The following PRKG1 variants were observed in gnomAD, a reference collection of about 807,000 sequenced individuals.
The protein encoded by PRKG1 is cGMP-dependent protein kinase 1.
In PRKG1, 35 loss-of-function variants were observed where a neutral mutation model predicts 88.1. The ratio of observed to expected loss-of-function variants is 0.40; its 90% CI spans 0.30 to 0.53. The LOEUF is 0.53. Ranked by LOEUF, PRKG1 falls within the 20% of genes least tolerant of loss-of-function variation. The probability of loss-of-function intolerance (pLI) is 0.59; values close to 1 mark genes in which losing one functional copy is unlikely to be tolerated. For missense variants in PRKG1, 540 were observed against 839.8 expected (o/e 0.64, Z 4.41); for synonymous variants, 303 against 292.5 (o/e 1.04, Z -0.37).
rs937784902 is a variant in PRKG1 at position 52,127,967 on chromosome 10, C to G, written c.936-5873C>G. On this transcript the variant is annotated intron_variant, in intron 7 of 17. Transcript: ENST00000373980. ...AGCATAGTCAGATTTACCACCAACT[C>G]TACAATTCTTGTTTATAATTAATTT... 4.3e-6 allele frequency: 4 copies of G among 939,838 alleles called. No individual in the cohort carries two copies. The African/African-American group carries it at 7.1e-5, about 17-fold the overall frequency. 58.2% of individuals were successfully genotyped at this position (939,838 alleles called of 1,614,324 possible). A position where few individuals can be genotyped will look rare whatever the true frequency, so the allele number is the denominator to read the frequency against.
chr10:51,102,192 T>C (rs966770632), intron 1 of PRKG1, among the ~76,000 whole-genome samples: 1 of 152,226 alleles, frequency 6.6e-6, no homozygotes, highest in Non-Finnish European at 1.5e-5. Context: ...TAGTAAGTGA[T>C]GAATTTCTTT....
At chr10:51,132,861 AT>A (rs1387972767) in intron 1 of PRKG1, among the ~76,000 whole-genome samples, 1 of 151,988 alleles carries the variant, frequency 6.6e-6, no homozygotes, top group Non-Finnish European at 1.5e-5. Flanking sequence ...AATTAGCTTC[AT>A]TTAATTATGC....
At chr10:52,166,803 A>ATGTATATATATG (rs1457237153) in intron 9 of PRKG1, among the ~76,000 whole-genome samples, 2 of 25,472 alleles carry the variant, frequency 7.9e-5, no homozygotes, top group Non-Finnish European at 1.2e-4. Context: ...ATATACATAT[A>ATGTATATATATG]TATATGTATA....
intron 5 of PRKG1, among the ~76,000 whole-genome samples, chr10:51,998,045 C>CT (rs1384946825): frequency 1.3e-5 from 2 of 152,182 alleles, no homozygotes; most frequent in African/African-American, 4.8e-5. Context: ...GGTGGACACT[C>CT]TATCATGTAA....
intron 8 of PRKG1, among the ~76,000 whole-genome samples, chr10:52,151,732 T>C (rs182431438): frequency 8.3e-4 from 126 of 152,292 alleles, no homozygotes; most frequent in African/African-American, 3.0e-3. Flanking sequence ...AGGAAACATA[T>C]AGACTGGGCA....
At position 51,555,736 on chromosome 10, in the gene PRKG1, A is replaced by C. The variant is rs1036357196; in HGVS notation, c.592+87900A>C. 2.0e-5 allele frequency among the ~76,000 whole-genome samples: 3 copies of C among 152,020 alleles called. No homozygotes were observed. The Admixed American group carries it at 2.0e-4, about 10-fold the overall frequency. On this transcript the variant is annotated intron_variant, in intron 3 of 17. Transcript: ENST00000373980. ...AAAGTTTAGTAAACAGAAAGCCAGA[A>C]AAACTAATTCTACTTCTTGACTTGG...
intron 3 of PRKG1, among the ~76,000 whole-genome samples, chr10:51,579,440 C>A (rs1209236506): frequency 6.6e-6 from 1 of 151,932 alleles, no homozygotes; most frequent in Non-Finnish European, 1.5e-5. Flanking sequence ...TAAATGTTTC[C>A]TTTGTCACTG....
intron 2 of PRKG1, among the ~76,000 whole-genome samples, chr10:51,304,532 T>G (rs1010005104): frequency 1.4e-4 from 22 of 152,020 alleles, no homozygotes; most frequent in Non-Finnish European, 2.4e-4. Context: ...GTGCACAATG[T>G]GCAGGTTAGT....
chr10:52,225,147 G>GT (rs1171068591), intron 9 of PRKG1, among the ~76,000 whole-genome samples: 1 of 151,906 alleles, frequency 6.6e-6, no homozygotes, highest in Admixed American at 6.6e-5. Flanking sequence ...AACATCTACT[G>GT]TTTTTTGATT....
chr10:51,722,060 T>A (rs917456338), intron 3 of PRKG1, among the ~76,000 whole-genome samples: 1 of 152,080 alleles, frequency 6.6e-6, no homozygotes, highest in Non-Finnish European at 1.5e-5. Flanking sequence ...TGAAACCTTG[T>A]CTCTACTGAA....
chr10:52,156,511 TGATGGATG>T lies in PRKG1; in HGVS notation c.1002-5361_1002-5354del, dbSNP rs559758876. On this transcript the variant is annotated intron_variant, in intron 8 of 17. Coordinates refer to ENST00000373980, the MANE Select transcript of PRKG1 (RefSeq NM_006258.4). Reference sequence around the variant, plus strand: ...TGTGAGTTTGGTTGAATGGATGGACTGATGGATGGATGGATGGATGGATGAATAAATGG... The same window carrying T: ...TGTGAGTTTGGTTGAATGGATGGACTGATGGATGGATGGATGAATAAATGG... Among the ~76,000 whole-genome samples the T allele has an allele frequency of 5.3e-4, 80 of 151,684 alleles. No homozygotes were observed. The East Asian group carries it at 0.012, about 23-fold the overall frequency.
chr10:51,086,625 G>C (rs372226524), intron 1 of PRKG1, among the ~76,000 whole-genome samples: 1 of 152,214 alleles, frequency 6.6e-6, no homozygotes, highest in East Asian at 1.9e-4. Flanking sequence ...TTAGAAAATG[G>C]AGAACAGAAG....
rs574278796 is a variant in PRKG1, at chr10:52,160,157, A to C, written c.1002-1732A>C. ...AGAAATATTATACTTTATGTTGTGA[A>C]CGCGTCTAGCCTTAACATTCTCTAA... On this transcript the variant is annotated intron_variant, in intron 8 of 17. Transcript: ENST00000373980. 7.2e-5 allele frequency among the ~76,000 whole-genome samples: 11 copies of C among 152,050 alleles called. No individual in the cohort carries two copies. In the South Asian group the frequency reaches 2.3e-3, roughly 32 times the overall value.
At chr10:51,656,884 C>A (rs1370400065) in intron 3 of PRKG1, among the ~76,000 whole-genome samples, 1 of 152,078 alleles carries the variant, frequency 6.6e-6, no homozygotes, top group African/African-American at 2.4e-5. Context: ...TAGAGTAAGG[C>A]AAATTTAAGA....
chr10:52,148,957 C>CTTTTTTTTTTTTTTTTTTTT (rs71904885), intron 8 of PRKG1, among the ~76,000 whole-genome samples: 4 of 55,156 alleles, frequency 7.3e-5, no homozygotes, highest in African/African-American at 2.2e-4. Flanking sequence ...GATAGTTTTG[C>CTTTTTTTTTTTTTTTTTTTT]TTTTTTTTTT....
chr10:52,247,031 T>C (rs940760773), intron 9 of PRKG1, among the ~76,000 whole-genome samples: 2 of 152,122 alleles, frequency 1.3e-5, no homozygotes, highest in Non-Finnish European at 2.9e-5. Flanking sequence ...CATACTTATC[T>C]TGTTGTATAT....
At chr10:51,965,283 G>A (rs1478805845) in intron 5 of PRKG1, among the ~76,000 whole-genome samples, 1 of 152,024 alleles carries the variant, frequency 6.6e-6, no homozygotes, top group African/African-American at 2.4e-5. Context: ...CTCACTATGT[G>A]TCCATGTGTT....
chr10:51,771,374 A>G (rs1023629144), intron 3 of PRKG1, among the ~76,000 whole-genome samples: 2 of 152,138 alleles, frequency 1.3e-5, no homozygotes, highest in Non-Finnish European at 2.9e-5. Context: ...TGTACCTGGA[A>G]GCATTTCCGG....
chr10:51,611,122 T>C (rs1284987867), intron 3 of PRKG1, among the ~76,000 whole-genome samples: 3 of 152,232 alleles, frequency 2.0e-5, no homozygotes, highest in African/African-American at 7.2e-5. Flanking sequence ...ATTGATTTAT[T>C]TCCTTTTGGA....
Sources: allele counts gnomAD v4.1 joint callset (sites outside exome capture counted in the v4.1 genomes callset), GRCh38; gene constraint gnomAD v4.1.1; transcripts MANE v1.5; gene names NCBI Gene and HGNC (gene_info 2026-07-23, HGNC 2026-07-21).